The following PXDNL variants were observed in gnomAD, a reference collection of about 807,000 sequenced individuals.
PXDNL encodes peroxidasin like.
Under a neutral mutation model 150.8 loss-of-function variants are expected in PXDNL, and 145 were observed. The observed-to-expected ratio is 0.96, with a 90% CI of 0.84 to 1.10. PXDNL has a LOEUF of 1.10. Ranked by LOEUF, PXDNL falls within the 50% of genes least tolerant of loss-of-function variation. The pLI is 0.00. For synonymous variants in PXDNL, 757 were observed against 725.7 expected, an observed-to-expected ratio of 1.04 and a Z score of -0.69; for missense variants, 2,087 against 1,873.9, an observed-to-expected ratio of 1.11 and a Z score of -2.10.
chr8:51,657,267 AT>A (rs1273889459), intron 1 of PXDNL, among the ~76,000 whole-genome samples: 7 of 152,256 alleles, frequency 4.6e-5, no homozygotes, highest in Non-Finnish European at 1.0e-4. Flanking sequence ...AAGTTGCACC[AT>A]TGTAAGTCAA....
intron 1 of PXDNL, among the ~76,000 whole-genome samples, chr8:51,776,868 T>C (rs1213384131): frequency 2.0e-5 from 3 of 152,094 alleles, no homozygotes; most frequent in Non-Finnish European, 4.4e-5. Flanking sequence ...TCTTTAACTC[T>C]CTCCCTTCTG....
intron 17 of PXDNL, among the ~76,000 whole-genome samples, chr8:51,405,153 G>A (rs928457224): frequency 3.3e-5 from 5 of 152,076 alleles, no homozygotes; most frequent in Admixed American, 6.5e-5. Context: ...GCCCGCCCGC[G>A]CCTCTCCTTC....
chr8:51,463,700 T>C (rs1810133228), intron 8 of PXDNL, among the ~76,000 whole-genome samples: 2 of 152,196 alleles, frequency 1.3e-5, no homozygotes. Context: ...ACCATGTACT[T>C]AGCCATAAAG....
intron 2 of PXDNL, among the ~76,000 whole-genome samples, chr8:51,653,591 C>G (rs1029470565): frequency 6.6e-6 from 1 of 152,094 alleles, no homozygotes; most frequent in Non-Finnish European, 1.5e-5. Context: ...AAAGAATAAA[C>G]CCTGCAGTCC....
intron 4 of PXDNL, among the ~76,000 whole-genome samples, chr8:51,529,824 GAA>G (rs1563451651): frequency 1.3e-5 from 2 of 152,086 alleles, no homozygotes; most frequent in Non-Finnish European, 1.5e-5. Flanking sequence ...CTTGGTACAC[GAA>G]AACTCTTCTT....
intron 17 of PXDNL, among the ~76,000 whole-genome samples, chr8:51,402,210 G>A (rs948949512): frequency 3.9e-5 from 6 of 152,186 alleles, no homozygotes; most frequent in African/African-American, 1.4e-4. Context: ...TTACTTAATT[G>A]GTGAAATATG....
rs76660233 is a variant in PXDNL, at chr8:51,746,625, T to C, written c.164+62556A>G. On this transcript the variant is annotated intron_variant, in intron 1 of 22. Coordinates refer to ENST00000356297, the MANE Select transcript of PXDNL (RefSeq NM_144651.5). ...ACATGTAGCGTTTATCTCGGGGCTGTGGTATTAAGGAGGTGGATAGGTGAA... is the reference window on the plus strand; with the variant it reads ...ACATGTAGCGTTTATCTCGGGGCTGCGGTATTAAGGAGGTGGATAGGTGAA... Among the ~76,000 whole-genome samples the C allele has an allele frequency of 9.0e-3, 1,373 of 152,298 alleles. 16 individuals carry two copies. Among genetic ancestry groups the C allele is most frequent in the African/African-American group, 0.031 (1,304 of 41,558 alleles).
chr8:51,525,483 C>T (rs538254590), intron 4 of PXDNL, among the ~76,000 whole-genome samples: 1 of 152,298 alleles, frequency 6.6e-6, no homozygotes, highest in African/African-American at 2.4e-5. Flanking sequence ...AGAAACGTGT[C>T]TCCAACTTAA....
rs143004029 is a variant in PXDNL, at chr8:51,453,908, C to CATATATATATATAT, written c.983-124_983-123insATATATATATATAT. 6 of 783,430 alleles carry CATATATATATATAT rather than the reference C, an allele frequency of 7.7e-6. No homozygotes were observed. In the African/African-American group the frequency reaches 8.9e-5, roughly 12 times the overall value. The allele number at this position is 783,430 out of a possible 1,614,324, so 48.5% of individuals were successfully genotyped here. On this transcript the variant is annotated intron_variant, in intron 9 of 22. Coordinates refer to ENST00000356297, the MANE Select transcript of PXDNL (RefSeq NM_144651.5). ...AATTCCTTTAAACTAAAATATTACA[C>CATATATATATATAT]ATATATATATATACACATTTAATTC...
chr8:51,448,401 T>A (rs886875076), intron 11 of PXDNL, among the ~76,000 whole-genome samples: 4 of 152,152 alleles, frequency 2.6e-5, no homozygotes, highest in South Asian at 2.1e-4. Flanking sequence ...AAAAAAGAAA[T>A]GTCTAAAACT....
intron 1 of PXDNL, among the ~76,000 whole-genome samples, chr8:51,735,762 G>A (rs1817025756): frequency 6.6e-6 from 1 of 150,972 alleles, no homozygotes; most frequent in Non-Finnish European, 1.5e-5. Flanking sequence ...TAGCCGGGAT[G>A]GTCTCGATCT....
chr8:51,753,445 T>A (rs1347025586), intron 1 of PXDNL, among the ~76,000 whole-genome samples: 2 of 152,208 alleles, frequency 1.3e-5, no homozygotes, highest in Non-Finnish European at 2.9e-5. Context: ...TGAGAATGTA[T>A]TTCAAGTGCT....
In PXDNL at chr8:51,446,042, TA is replaced by T. The variant is rs113170654; in HGVS notation, c.1525+961del. On this transcript the variant is annotated intron_variant, in intron 12 of 22. Transcript: ENST00000356297. ...TATAAGGGAACCTCAACTTCTTTTTTAAAAAAAACATTTAATATGTCTAAAA... is the reference window on the plus strand; with the variant it reads ...TATAAGGGAACCTCAACTTCTTTTTTAAAAAAACATTTAATATGTCTAAAA... 7.9e-5 allele frequency among the ~76,000 whole-genome samples: 12 copies of T among 151,954 alleles called. No individual in the cohort carries two copies. In the East Asian group the frequency reaches 1.4e-3, roughly 17 times the overall value.
intron 19 of PXDNL, among the ~76,000 whole-genome samples, chr8:51,370,124 C>G (rs1354395274): frequency 6.6e-6 from 1 of 152,204 alleles, no homozygotes; most frequent in African/African-American, 2.4e-5. Context: ...TTATTTTCCT[C>G]ATATGTAAAT....
intron 3 of PXDNL, among the ~76,000 whole-genome samples, chr8:51,561,142 T>C (rs1348848692): frequency 6.6e-6 from 1 of 151,994 alleles, no homozygotes; most frequent in Non-Finnish European, 1.5e-5. Context: ...ATAAGAATCC[T>C]GTACACTGTT....
intron 1 of PXDNL, among the ~76,000 whole-genome samples, chr8:51,696,095 T>C (rs1177959716): frequency 1.3e-5 from 2 of 152,184 alleles, no homozygotes; most frequent in Admixed American, 6.5e-5. Flanking sequence ...TTCTTGGCCT[T>C]GTACACTTGA....
chr8:51,444,072 T>C (rs1039984869), intron 12 of PXDNL, among the ~76,000 whole-genome samples: 5 of 152,360 alleles, frequency 3.3e-5, no homozygotes, highest in East Asian at 1.9e-4. Context: ...AGTATACGTA[T>C]GTAAAGGTCA....
At chr8:51,757,084 AT>A (rs888150575) in intron 1 of PXDNL, among the ~76,000 whole-genome samples, 5 of 151,788 alleles carry the variant, frequency 3.3e-5, no homozygotes, top group African/African-American at 7.2e-5. Context: ...TCTGATAGTG[AT>A]TTTTTTTTAA....
chr8:51,628,399 C>CTAT (rs1814409730), intron 2 of PXDNL, among the ~76,000 whole-genome samples: 1 of 69,748 alleles, frequency 1.4e-5, no homozygotes, highest in Non-Finnish European at 2.4e-5. Flanking sequence ...CTTTTCTTTT[C>CTAT]TTTTTTTTTT....
Sources: gnomAD v4.1 joint callset for allele counts (sites outside exome capture counted in the v4.1 genomes callset) on GRCh38, gnomAD v4.1.1 for gene constraint, MANE v1.5 for transcripts, NCBI Gene and HGNC (gene_info 2026-07-23, HGNC 2026-07-21) for gene names.